FBN2: variants seen among roughly 807,000 people sequenced by gnomAD.
FBN2 encodes the protein fibrillin-2.
FBN2 carries 105 observed loss-of-function variants against 355.6 expected under a neutral mutation model. That is an observed-to-expected ratio of 0.30 (90% CI 0.25 to 0.35). The LOEUF is 0.35. FBN2 is among the 10% of genes least tolerant of loss of function. FBN2 has a pLI of 1.00. For missense variants in FBN2, 3,280 were observed against 3,758.7 expected (o/e 0.87, Z 3.33); for synonymous variants, 1,350 against 1,301.2 (o/e 1.04, Z -0.81).
chr5:128,291,746 C>T, intron 48 of FBN2, 92 bp from the exon 49 acceptor site: 2 of 1,150,744 alleles, frequency 1.7e-6, no homozygotes, highest in African/African-American at 1.5e-5. Flanking sequence ...GCTGATATTT[C>T]AGACAAGAGA....
chr5:128,347,824 G>A (rs1020161960), intron 23 of FBN2, among the ~76,000 whole-genome samples: 1 of 151,954 alleles, frequency 6.6e-6, no homozygotes, highest in Admixed American at 6.6e-5. Flanking sequence ...TGTTGCCAAG[G>A]CTAGGGTATA....
chr5:128,480,158 CAG>C (rs1435104021), intron 5 of FBN2, among the ~76,000 whole-genome samples: 1 of 141,456 alleles, frequency 7.1e-6, no homozygotes, highest in Admixed American at 7.4e-5. Context: ...ATAGTATTCA[CAG>C]AGAGAATATA....
rs1419214782 is a variant in FBN2 at position 128,258,267 on chromosome 5, T to G, written c.*1188A>C. 1 of 152,504 alleles carries G rather than the reference T, an allele frequency of 6.6e-6. No homozygotes were observed. Among genetic ancestry groups the G allele is most frequent in the Non-Finnish European group, 1.5e-5 (1 of 68,024 alleles). The allele number at this position is 152,504 out of a possible 1,614,324, so 9.4% of individuals were successfully genotyped here. On this transcript the variant is annotated 3_prime_UTR_variant, in exon 65 of 65. Transcript: ENST00000262464. ...CTGGTACAATATCTTTTTAAATGAC[T>G]AAAGCAAACTAAACATCAATTCATT...
chr5:128,366,051 T>A (rs1404020345), intron 17 of FBN2, among the ~76,000 whole-genome samples: 1 of 152,034 alleles, frequency 6.6e-6, no homozygotes, highest in Non-Finnish European at 1.5e-5. Flanking sequence ...TGTTTTATCA[T>A]AAAATTGACT....
At chr5:128,528,025 G>T (rs1252895185) in intron 3 of FBN2, 58 bp from the exon 4 acceptor site, 5 of 1,109,176 alleles carry the variant, frequency 4.5e-6, no homozygotes, top group Non-Finnish European at 6.9e-6. Flanking sequence ...TATAGTATAT[G>T]TGAGAGGTTA....
intron 7 of FBN2, among the ~76,000 whole-genome samples, chr5:128,435,964 G>C (rs1457082708): frequency 6.6e-6 from 1 of 152,142 alleles, no homozygotes; most frequent in Non-Finnish European, 1.5e-5. Flanking sequence ...GACTTTTATA[G>C]AAACCTATGC....
intron 59 of FBN2, among the ~76,000 whole-genome samples, chr5:128,274,992 T>C (rs1194675944): frequency 6.6e-6 from 1 of 152,222 alleles, no homozygotes; most frequent in African/African-American, 2.4e-5. Context: ...AATTCTTGCA[T>C]TGAATGCAGT....
chr5:128,515,286 A>C (rs4836378), intron 5 of FBN2, among the ~76,000 whole-genome samples: 55,199 of 152,076 alleles, frequency 0.36, 11,038 homozygotes, highest in African/African-American at 0.54. Flanking sequence ...TATAATTAGA[A>C]GCCAAGTTGC....
intron 11 of FBN2, 121 bp from the exon 12 acceptor site, chr5:128,379,011 G>C (rs56090677): frequency 9.3e-7 from 1 of 1,070,614 alleles, no homozygotes; most frequent in Non-Finnish European, 1.4e-6. Flanking sequence ...TCTAAATAGC[G>C]AAGTATTTAT....
chr5:128,289,308 C>G, intron 51 of FBN2, 56 bp from the exon 52 acceptor site: 8 of 1,588,030 alleles, frequency 5.0e-6, no homozygotes, highest in Non-Finnish European at 1.7e-6. Flanking sequence ...GCCGGCCAGG[C>G]GCAGTGGCTC....
chr5:128,476,864 A>AT (rs1322925873), intron 5 of FBN2, among the ~76,000 whole-genome samples: 2 of 152,204 alleles, frequency 1.3e-5, no homozygotes, highest in Non-Finnish European at 2.9e-5. Context: ...TCTACAGAAG[A>AT]TTTTGTCTTC....
intron 17 of FBN2, 45 bp from the exon 18 acceptor site, chr5:128,364,770 T>TAACA: frequency 6.5e-7 from 1 of 1,531,838 alleles, no homozygotes; most frequent in Non-Finnish European, 9.0e-7. Flanking sequence ...AAACATGTTA[T>TAACA]TGTTTGTTGA....
In FBN2 at chr5:128,366,492, C is replaced by A; in HGVS notation, c.2249-62G>T. ...AACTATACCTATTCCATATACAAGT[C>A]ATTTCATAACTCCAAAACTACCATT... On this transcript the variant is annotated intron_variant, in intron 16 of 64. Coordinates refer to ENST00000262464, the MANE Select transcript of FBN2 (RefSeq NM_001999.4). 3 of 948,576 alleles carry A rather than the reference C, an allele frequency of 3.2e-6. No homozygotes were observed. In the South Asian group the frequency reaches 4.7e-5, roughly 15 times the overall value. 58.8% of individuals were successfully genotyped at this position (948,576 alleles called of 1,614,324 possible).
At chr5:128,495,542 C>G (rs1011962442) in intron 5 of FBN2, among the ~76,000 whole-genome samples, 1 of 152,016 alleles carries the variant, frequency 6.6e-6, no homozygotes, top group East Asian at 1.9e-4. Flanking sequence ...AGACAACTGT[C>G]AACAGCTGAC....
chr5:128,378,599 T>A (rs1055420239), intron 12 of FBN2, among the ~76,000 whole-genome samples, 172 bp downstream of exon 12: 4 of 152,198 alleles, frequency 2.6e-5, no homozygotes, highest in Non-Finnish European at 4.4e-5. Context: ...CTGGGTTATA[T>A]ATGCAAACAT....
intron 7 of FBN2, among the ~76,000 whole-genome samples, chr5:128,413,824 T>G (rs1401517927): frequency 6.6e-6 from 1 of 152,204 alleles, no homozygotes; most frequent in East Asian, 1.9e-4. Context: ...TTTCCACTGA[T>G]GCCAAGAACT....
intron 15 of FBN2, among the ~76,000 whole-genome samples, chr5:128,372,717 C>A (rs1304070507): frequency 7.9e-5 from 12 of 152,154 alleles, no homozygotes; most frequent in Non-Finnish European, 1.6e-4. Flanking sequence ...GTTTTGAACT[C>A]CTGAGCTCAA....
intron 11 of FBN2, among the ~76,000 whole-genome samples, chr5:128,384,172 G>C (rs866417987): frequency 6.6e-6 from 1 of 151,932 alleles, no homozygotes; most frequent in Admixed American, 6.6e-5. Context: ...CTGAGTAAAA[G>C]AAATCAGACA....
At chr5:128,317,816 T>C (rs1750249987) in intron 36 of FBN2, among the ~76,000 whole-genome samples, 1 of 152,106 alleles carries the variant, frequency 6.6e-6, no homozygotes, top group African/African-American at 2.4e-5. Flanking sequence ...GCAGGAGAAA[T>C]AGATATTCTA....
Sources: allele counts gnomAD v4.1 joint callset (sites outside exome capture counted in the v4.1 genomes callset), GRCh38; gene constraint gnomAD v4.1.1; transcripts MANE v1.5; gene names NCBI Gene and HGNC (gene_info 2026-07-23, HGNC 2026-07-21).